SLC30A4: variants seen among roughly 807,000 people sequenced by gnomAD.
SLC30A4 encodes the protein probable proton-coupled zinc antiporter SLC30A4.
Under a neutral mutation model 41.7 loss-of-function variants are expected in SLC30A4, and 20 were observed. The observed-to-expected ratio is 0.48, with a 90% CI of 0.34 to 0.70. The LOEUF (loss-of-function observed/expected upper bound fraction) is 0.70, where lower values mean the gene tolerates loss of function less well. SLC30A4 is among the 30% of genes least tolerant of loss of function. The pLI is 0.01. For synonymous variants in SLC30A4, 181 were observed against 195.9 expected, an observed-to-expected ratio of 0.92 and a Z score of 0.64; for missense variants, 441 against 529.3, an observed-to-expected ratio of 0.83 and a Z score of 1.64.
intron 2 of SLC30A4, among the ~76,000 whole-genome samples, chr15:45,514,361 C>CAAA (rs10595522): frequency 2.5e-5 from 3 of 119,282 alleles, no homozygotes; most frequent in Admixed American, 8.8e-5. Context: ...AACTCTGTCT[C>CAAA]AAAAAAAAAA....
rs1406467657 is a variant in SLC30A4, at chr15:45,479,837, G to GCA, written c.*5324_*5325dup. The GCA allele has an allele frequency of 3.6e-5, 5 of 140,164 alleles. No individual in the cohort carries two copies. Among genetic ancestry groups the GCA allele is most frequent in the East Asian group, 4.1e-4 (2 of 4,896 alleles). The allele number at this position is 140,164 out of a possible 1,614,324, so 8.7% of individuals were successfully genotyped here. The stretch of plus-strand genomic sequence containing the variant: ...TTACAATGTGAAAGTTGCAAATACA[G>GCA]CACATATATATATATATATATATAC... On this transcript the variant is annotated 3_prime_UTR_variant, in exon 8 of 8. Coordinates refer to ENST00000261867, the MANE Select transcript of SLC30A4 (RefSeq NM_013309.6).
intron 3 of SLC30A4, among the ~76,000 whole-genome samples, chr15:45,510,740 T>C (rs1279117838): frequency 2.6e-5 from 4 of 152,244 alleles, no homozygotes; most frequent in African/African-American, 9.6e-5. Context: ...GCATACATTA[T>C]ACCTGTGATA....
chr15:45,489,262 A>G (rs1427747491), intron 4 of SLC30A4, among the ~76,000 whole-genome samples: 1 of 152,110 alleles, frequency 6.6e-6, no homozygotes, highest in Admixed American at 6.6e-5. Flanking sequence ...AAGGCAGAGA[A>G]GCCAACAAAT....
intron 3 of SLC30A4, among the ~76,000 whole-genome samples, chr15:45,492,378 A>G (rs1891827722): frequency 6.6e-6 from 1 of 152,158 alleles, no homozygotes; most frequent in Admixed American, 6.5e-5. Context: ...ACAAGAAAGT[A>G]TTACATTTGG....
rs1311357042 is a variant in SLC30A4, at chr15:45,522,259, C to T, written c.96G>A (p.Ser32=). The T allele has an allele frequency of 1.5e-5, 25 of 1,614,066 alleles. No individual in the cohort carries two copies. The Admixed American group carries it at 1.8e-4, about 12-fold the overall frequency. The stretch of plus-strand genomic sequence containing the variant: ...AAAGCCCCTCGTCCCCCGCCTCATC[C>T]GAGAAGTCAAAGGCGCTGGTGTCAT... ...FLNDTSAFDF[S]DEAGDEGLSR... The change falls in exon 2 of 8, where the codon TCG becomes TCA. Residue 32 remains serine, a synonymous_variant. Transcript: ENST00000261867.
intron 2 of SLC30A4, among the ~76,000 whole-genome samples, chr15:45,511,675 G>A (rs1892295800): frequency 2.0e-5 from 3 of 152,064 alleles, no homozygotes; most frequent in South Asian, 2.1e-4. Flanking sequence ...GTAGAGACAG[G>A]GTTTCACCAT....
At chr15:45,509,657 T>A (rs72711279) in intron 3 of SLC30A4, among the ~76,000 whole-genome samples, 14,965 of 152,148 alleles carry the variant, frequency 0.098, 814 homozygotes, top group Middle Eastern at 0.22. Flanking sequence ...GGGGTGGGGA[T>A]GCTAGATAAT....
chr15:45,497,509 T>C lies in SLC30A4; in HGVS notation c.539-6628A>G, dbSNP rs148691080. ...ATTTGCTACAAGATCACGGGTCTTT[T>C]CATTTGGCTGAAATACAAACAAATG... is the stretch of plus-strand genomic sequence containing the variant. On this transcript the variant is annotated intron_variant, in intron 3 of 7. Transcript: ENST00000261867. Among the ~76,000 whole-genome samples, 128 of 152,340 alleles carry C rather than the reference T, an allele frequency of 8.4e-4. No individual in the cohort carries two copies. In the Middle Eastern group the frequency reaches 0.024, roughly 28 times the overall value.
chr15:45,489,874 AT>A (rs1054818065), intron 4 of SLC30A4, among the ~76,000 whole-genome samples: 9 of 149,418 alleles, frequency 6.0e-5, no homozygotes, highest in East Asian at 5.9e-4. Flanking sequence ...TGGCTCACTG[AT>A]TTTTTTTTTG....
At chr15:45,496,875 A>T (rs1566877289) in intron 3 of SLC30A4, among the ~76,000 whole-genome samples, 1 of 144,466 alleles carries the variant, frequency 6.9e-6, no homozygotes, top group Non-Finnish European at 1.5e-5. Flanking sequence ...ATAAATAAAT[A>T]AAATAAATAG....
intron 3 of SLC30A4, among the ~76,000 whole-genome samples, chr15:45,508,250 TGGAGCA>T (rs1892201888): frequency 6.6e-6 from 1 of 152,192 alleles, no homozygotes; most frequent in African/African-American, 2.4e-5. Context: ...AGACTTATTT[TGGAGCA>T]TCAACTTCCA....
In SLC30A4 at chr15:45,488,824, A is replaced by G. The variant is rs751130441; in HGVS notation, c.894+17T>C. ...ATTAAGTACATTTTAAAATAGAAAA[A>G]TTACCAATCATATTACCTTGAATCG... On this transcript the variant is annotated intron_variant, in intron 5 of 7. Transcript: ENST00000261867. 93 of 1,600,636 alleles carry G rather than the reference A, an allele frequency of 5.8e-5. No individual in the cohort carries two copies. In the African/African-American group the frequency reaches 1.1e-3, roughly 20 times the overall value.
intron 3 of SLC30A4, among the ~76,000 whole-genome samples, chr15:45,491,995 A>G (rs1891818909): frequency 6.6e-6 from 1 of 152,210 alleles, no homozygotes; most frequent in Non-Finnish European, 1.5e-5. Flanking sequence ...TTTAAAAATC[A>G]AAAGTTTGAT....
At position 45,517,153 on chromosome 15, in the gene SLC30A4, T is replaced by TA. The variant is rs536051844; in HGVS notation, c.391+4810dup. On this transcript the variant is annotated intron_variant, in intron 2 of 7. Transcript: ENST00000261867. ...TTCCACTTTGAAATACTCTCTTTTTTAAAAAAAAAAAATTTGGAACACCTT... is the reference window on the plus strand; with the variant it reads ...TTCCACTTTGAAATACTCTCTTTTTTAAAAAAAAAAAAATTTGGAACACCTT... 1.3e-3 allele frequency among the ~76,000 whole-genome samples: 187 copies of TA among 147,286 alleles called. 2 individuals are homozygous for TA. The highest frequency in any genetic ancestry group is 4.9e-3 in the South Asian group (23 of 4,652).
Position 45,490,812 on chromosome 15 carries a change from A to G in SLC30A4, c.608T>C (p.Val203Ala), listed in dbSNP as rs761634208. The change falls in exon 4 of 8, where the codon GTG (valine) becomes GCG (alanine). Residue 203 changes from valine (V) to alanine (A), a missense_variant. By Grantham distance (64) the Val-to-Ala change is moderately conservative (BLOSUM62 0). This residue lies in a region of SLC30A4 where 312 missense variants were observed against 341.9 expected (regional missense o/e 0.91). Coordinates refer to ENST00000261867, the MANE Select transcript of SLC30A4 (RefSeq NM_013309.6). ...ATAGTTCATATGGATAGTTCTTTGCACAGCTTCATATAAGAGGAATCCCAT... is the reference window on the plus strand; with the variant it reads ...ATAGTTCATATGGATAGTTCTTTGCGCAGCTTCATATAAGAGGAATCCCAT... ...ILMGFLLYEA[V>A]QRTIHMNYEI... The G allele has an allele frequency of 2.0e-5, 32 of 1,610,868 alleles. No individual in the cohort carries two copies. In the East Asian group the frequency reaches 6.7e-4, roughly 34 times the overall value.
Position 45,522,488 on chromosome 15 carries a change from T to A in SLC30A4, c.-114-20A>T. The A allele has an allele frequency of 1.1e-6, 1 of 938,972 alleles. No individual in the cohort carries two copies. Among genetic ancestry groups the A allele is most frequent in the Non-Finnish European group, 1.5e-6 (1 of 650,214 alleles). The allele number at this position is 938,972 out of a possible 1,614,324, so 58.2% of individuals were successfully genotyped here. A position where few individuals can be genotyped will look rare whatever the true frequency, so the allele number is the denominator to read the frequency against. ...CCCATCCTGTGGAAAACGAAACACG[T>A]TATAAATTAAAGGCGCCCAACCCTG... On this transcript the variant is annotated intron_variant, in intron 1 of 7. Coordinates refer to ENST00000261867, the MANE Select transcript of SLC30A4 (RefSeq NM_013309.6).
In SLC30A4 at chr15:45,511,239, T is replaced by G; in HGVS notation, c.437A>C (p.His146Pro). ...GATGGCGCTTAGGTCAGTTAACATA[T>G]GAAGTGCATCTGTCATGATTGCTAG... ...NSLAIMTDAL[H>P]MLTDLSAIIL... is the part of the protein sequence containing the mutation. The change falls in exon 3 of 8, where the codon CAT becomes CCT. Residue 146 changes from histidine to proline, a missense_variant. Physicochemically the swap from His to Pro is moderately conservative, Grantham distance 77. Transcript: ENST00000261867. 1 of 1,612,884 alleles carries G rather than the reference T, an allele frequency of 6.2e-7. No homozygotes were observed. The highest frequency in any genetic ancestry group is 8.5e-7 in the Non-Finnish European group (1 of 1,179,236).
chr15:45,502,544 T>G (rs1457590622), intron 3 of SLC30A4: 1 of 151,992 alleles, frequency 6.6e-6, no homozygotes. Context: ...TGCCACCACA[T>G]CTGCTAATTT....
intron 2 of SLC30A4, among the ~76,000 whole-genome samples, chr15:45,517,284 G>A (rs72711283): frequency 0.1 from 14,656 of 147,270 alleles, 805 homozygotes; most frequent in Middle Eastern, 0.24. Context: ...TCTCTACCTT[G>A]ACCTCTCTTC....
Sources: allele counts gnomAD v4.1 joint callset (sites outside exome capture counted in the v4.1 genomes callset), GRCh38; gene constraint gnomAD v4.1.1; regional missense constraint gnomAD v4.1.1; transcripts MANE v1.5; gene names NCBI Gene and HGNC (gene_info 2026-07-23, HGNC 2026-07-21).